ATG5: variants seen among roughly 807,000 people sequenced by gnomAD.
ATG5 encodes the protein autophagy protein 5.
ATG5 carries 14 observed loss-of-function variants against 36.5 expected under a neutral mutation model. That is an observed-to-expected ratio of 0.38 (90% confidence interval 0.25 to 0.60). ATG5 has a LOEUF of 0.60. Among genes scored for constraint, ATG5 ranks in the 20% least tolerant of loss-of-function variants. The pLI, the probability that ATG5 is intolerant of heterozygous loss-of-function variation, is 0.60. For missense variants in ATG5, 195 were observed against 326.7 expected (o/e 0.60, Z 3.11); for synonymous variants, 95 against 101.5 (o/e 0.94, Z 0.38).
intron 4 of ATG5, among the ~76,000 whole-genome samples, chr6:106,292,293 G>A (rs1418912311): frequency 6.6e-6 from 1 of 152,230 alleles, no homozygotes; most frequent in African/African-American, 2.4e-5. Context: ...ATTAATATAA[G>A]TGTTTCCAAT....
At chr6:106,193,088 G>A (rs1428793258) in intron 7 of ATG5, among the ~76,000 whole-genome samples, 1 of 152,070 alleles carries the variant, frequency 6.6e-6, no homozygotes, top group Non-Finnish European at 1.5e-5. Context: ...TGCTTCCTGG[G>A]GAATGAGATC....
At chr6:106,267,213 A>T (rs1482361118) in intron 5 of ATG5, among the ~76,000 whole-genome samples, 3 of 152,232 alleles carry the variant, frequency 2.0e-5, no homozygotes, top group Non-Finnish European at 4.4e-5. Flanking sequence ...AGAAGCAGAG[A>T]GTCAAATCAT....
intron 5 of ATG5, among the ~76,000 whole-genome samples, chr6:106,266,898 C>A (rs565163244): frequency 6.6e-6 from 1 of 152,132 alleles, no homozygotes; most frequent in East Asian, 1.9e-4. Flanking sequence ...CAATATCATA[C>A]GGAATGGGCA....
chr6:106,288,946 G>T (rs1780195389), intron 4 of ATG5, among the ~76,000 whole-genome samples: 1 of 152,144 alleles, frequency 6.6e-6, no homozygotes. Context: ...GTGTGTGTGT[G>T]TGTGGCAGAG....
intron 6 of ATG5, among the ~76,000 whole-genome samples, chr6:106,209,435 TTACA>T (rs1397655591): frequency 9.9e-5 from 15 of 152,152 alleles, no homozygotes; most frequent in Non-Finnish European, 1.8e-4. Context: ...TCTCAAAAGG[TTACA>T]CACTGCATGA....
intron 6 of ATG5, among the ~76,000 whole-genome samples, chr6:106,229,341 C>T (rs1777575558): frequency 6.6e-6 from 1 of 152,002 alleles, no homozygotes. Flanking sequence ...TGCCAGGGCC[C>T]CAAGTTTGTA....
intron 1 of ATG5, among the ~76,000 whole-genome samples, chr6:106,324,463 C>T (rs983202454): frequency 6.6e-6 from 1 of 152,136 alleles, no homozygotes; most frequent in African/African-American, 2.4e-5. Flanking sequence ...AAAGACTGTA[C>T]CTTAATTTTT....
At chr6:106,200,448 T>C (rs963435871) in intron 7 of ATG5, among the ~76,000 whole-genome samples, 1 of 152,130 alleles carries the variant, frequency 6.6e-6, no homozygotes, top group Non-Finnish European at 1.5e-5. Flanking sequence ...TAAAAAAAAT[T>C]TCTATTATAT....
At chr6:106,251,439 G>C (rs1268226304) in intron 5 of ATG5, among the ~76,000 whole-genome samples, 1 of 150,246 alleles carries the variant, frequency 6.7e-6, no homozygotes, top group Non-Finnish European at 1.5e-5. Flanking sequence ...TCTTTTATCA[G>C]AGTTTATTAA....
chr6:106,265,803 A>G (rs932765414), intron 5 of ATG5, among the ~76,000 whole-genome samples: 3 of 152,230 alleles, frequency 2.0e-5, no homozygotes, highest in Non-Finnish European at 4.4e-5. Flanking sequence ...ATCAATGAGA[A>G]AAAAGAGACA....
intron 6 of ATG5, among the ~76,000 whole-genome samples, chr6:106,214,294 G>A (rs1776958926): frequency 6.6e-6 from 1 of 152,130 alleles, no homozygotes. Flanking sequence ...ACAGTCTTTT[G>A]GTGGTAGAAA....
chr6:106,321,053 T>C (rs1391856498), intron 1 of ATG5, among the ~76,000 whole-genome samples: 1 of 152,216 alleles, frequency 6.6e-6, no homozygotes, highest in East Asian at 1.9e-4. Context: ...ATTTAGATGC[T>C]GACAGCATGC....
At chr6:106,241,614 G>GT (rs1354737731) in intron 6 of ATG5, among the ~76,000 whole-genome samples, 2 of 152,124 alleles carry the variant, frequency 1.3e-5, no homozygotes, top group African/African-American at 2.4e-5. Context: ...CTATATATAT[G>GT]TTTTTTGGCT....
At chr6:106,287,617 A>G (rs1163269698) in intron 4 of ATG5, among the ~76,000 whole-genome samples, 1 of 152,168 alleles carries the variant, frequency 6.6e-6, no homozygotes, top group Non-Finnish European at 1.5e-5. Context: ...GAAAAACACC[A>G]AGGTTTTATA....
At chr6:106,286,166 C>T (rs1780071008) in intron 4 of ATG5, among the ~76,000 whole-genome samples, 1 of 152,180 alleles carries the variant, frequency 6.6e-6, no homozygotes. Context: ...TTGGCTCCTC[C>T]TTCTCTGATA....
intron 5 of ATG5, among the ~76,000 whole-genome samples, chr6:106,268,814 G>T (rs554529446): frequency 3.3e-5 from 5 of 152,032 alleles, no homozygotes; most frequent in Non-Finnish European, 5.9e-5. Flanking sequence ...CTCATTAGTG[G>T]GAGCTGAACA....
At chr6:106,202,254 A>T in intron 6 of ATG5, 165 bp from the exon 7 acceptor site, 1 of 497,418 alleles carries the variant, frequency 2.0e-6, no homozygotes, top group South Asian at 3.4e-5. Flanking sequence ...AATGTTTAAC[A>T]TGATAAATTC....
chr6:106,279,233 A>T (rs976938225), intron 5 of ATG5, among the ~76,000 whole-genome samples: 1 of 152,196 alleles, frequency 6.6e-6, no homozygotes, highest in Non-Finnish European at 1.5e-5. Context: ...GGAGAAAGGG[A>T]ATTGAAGCAC....
intron 1 of ATG5, among the ~76,000 whole-genome samples, chr6:106,324,157 T>C (rs1450719390): frequency 1.3e-5 from 2 of 152,204 alleles, no homozygotes; most frequent in Non-Finnish European, 2.9e-5. Flanking sequence ...TTCGTCCTTG[T>C]ATTCAACCAA....
Sources: gnomAD v4.1 joint callset for allele counts (sites outside exome capture counted in the v4.1 genomes callset) on GRCh38, gnomAD v4.1.1 for gene constraint, MANE v1.5 for transcripts, NCBI Gene and HGNC (gene_info 2026-07-23, HGNC 2026-07-21) for gene names.